GPATCH2: variants seen among roughly 807,000 people sequenced by gnomAD.
GPATCH2 encodes the protein G patch domain-containing protein 2.
Under a neutral mutation model 58.0 loss-of-function variants are expected in GPATCH2, and 51 were observed. That is an observed-to-expected ratio of 0.88 (90% CI 0.70 to 1.11). The LOEUF (loss-of-function observed/expected upper bound fraction) is 1.11, where lower values mean the gene tolerates loss of function less well. GPATCH2 is among the 50% of genes most tolerant of loss of function. GPATCH2 has a pLI of 0.00. For synonymous variants in GPATCH2, 222 were observed against 218.5 expected, an observed-to-expected ratio of 1.02 and a Z score of -0.14; for missense variants, 625 against 652.2, an observed-to-expected ratio of 0.96 and a Z score of 0.45.
At chr1:217,531,345 T>C (rs181042694) in intron 5 of GPATCH2, among the ~76,000 whole-genome samples, 39 of 152,342 alleles carry the variant, frequency 2.6e-4, no homozygotes, top group Middle Eastern at 3.4e-3. Context: ...ATGTGCTGAA[T>C]TAGTCAAAAG....
At position 217,614,151 on chromosome 1, in the gene GPATCH2, C is replaced by G. The variant is rs765210460; in HGVS notation, c.825G>C (p.Glu275Asp). 2.6e-6 allele frequency: 4 copies of G among 1,555,492 alleles called. No homozygotes were observed. Among genetic ancestry groups the G allele is most frequent in the Middle Eastern group, 3.4e-4 (2 of 5,956 alleles). ...STDAGLFTND[E>D]GRQGDDEQSD... ...ATATCATTTCAGTACCTTGTCTTCCCTCATCATTGGTAAACAATCCAGCAT... is the reference window on the plus strand; with the variant it reads ...ATATCATTTCAGTACCTTGTCTTCCGTCATCATTGGTAAACAATCCAGCAT... The change falls in exon 3 of 10, where the codon GAG (glutamate) becomes GAC (aspartate). Residue 275 changes from glutamate to aspartate, a missense_variant. Glu to Asp is a conservative substitution (Grantham distance 45). Transcript: ENST00000366935.
intron 8 of GPATCH2, among the ~76,000 whole-genome samples, chr1:217,485,486 A>G (rs573842359): frequency 6.6e-6 from 1 of 150,912 alleles, no homozygotes; most frequent in African/African-American, 2.4e-5. Context: ...GCAAATGACA[A>G]TATACTTGAT....
At chr1:217,467,276 G>C (rs1660505532) in intron 8 of GPATCH2, among the ~76,000 whole-genome samples, 1 of 152,018 alleles carries the variant, frequency 6.6e-6, no homozygotes, top group African/African-American at 2.4e-5. Context: ...ATTTGATTGT[G>C]GATCCCATGA....
At chr1:217,601,287 A>G (rs7553153) in intron 5 of GPATCH2, among the ~76,000 whole-genome samples, 91,803 of 151,926 alleles carry the variant, frequency 0.6, 28,718 homozygotes, top group African/African-American at 0.68. Flanking sequence ...CAAAAGTTAC[A>G]AAGAAACGAT....
chr1:217,590,040 T>C (rs543178139), intron 5 of GPATCH2, among the ~76,000 whole-genome samples: 1 of 151,304 alleles, frequency 6.6e-6, no homozygotes, highest in Non-Finnish European at 1.5e-5. Flanking sequence ...TTTTTTTTTT[T>C]GAGACAGTCT....
chr1:217,566,236 C>G (rs1222596075), intron 5 of GPATCH2, among the ~76,000 whole-genome samples: 1 of 151,580 alleles, frequency 6.6e-6, no homozygotes, highest in Non-Finnish European at 1.5e-5. Context: ...ACTTGACTAG[C>G]AGTTATCCAG....
intron 9 of GPATCH2, among the ~76,000 whole-genome samples, chr1:217,433,418 GCAGAGTCT>G (rs1658651316): frequency 7.3e-6 from 1 of 136,330 alleles, no homozygotes; most frequent in African/African-American, 2.9e-5. Flanking sequence ...ATTTATTTTG[GCAGAGTCT>G]CACTCTGTTG....
At chr1:217,626,163 A>G (rs778444219) in intron 1 of GPATCH2, among the ~76,000 whole-genome samples, 4 of 152,210 alleles carry the variant, frequency 2.6e-5, no homozygotes, top group Non-Finnish European at 4.4e-5. Context: ...TGCAGTGCTA[A>G]AAGTAAGTTA....
At chr1:217,504,966 C>T (rs1662478760) in intron 6 of GPATCH2, among the ~76,000 whole-genome samples, 1 of 152,166 alleles carries the variant, frequency 6.6e-6, no homozygotes, top group Non-Finnish European at 1.5e-5. Context: ...GAAAAAAATG[C>T]TCTGAAAGAG....
chr1:217,595,134 A>G (rs1667765616), intron 5 of GPATCH2, among the ~76,000 whole-genome samples: 1 of 152,230 alleles, frequency 6.6e-6, no homozygotes, highest in Non-Finnish European at 1.5e-5. Flanking sequence ...TATATGAGGA[A>G]GAAGGATTAC....
intron 8 of GPATCH2, among the ~76,000 whole-genome samples, chr1:217,471,591 A>T (rs1038893767): frequency 1.3e-5 from 2 of 152,210 alleles, no homozygotes; most frequent in Admixed American, 6.5e-5. Flanking sequence ...GATCTGTATC[A>T]TATAAAAACA....
intron 5 of GPATCH2, among the ~76,000 whole-genome samples, chr1:217,567,844 T>C (rs143200767): frequency 0.021 from 3,152 of 152,248 alleles, 62 homozygotes; most frequent in East Asian, 0.1. Context: ...TGGCCAGGCG[T>C]GGTGGCTCAC....
intron 5 of GPATCH2, among the ~76,000 whole-genome samples, chr1:217,596,658 A>G (rs757289065): frequency 1.4e-4 from 21 of 152,182 alleles, no homozygotes; most frequent in Non-Finnish European, 2.2e-4. Context: ...AATATTCTAT[A>G]ATGAAATATT....
intron 8 of GPATCH2, among the ~76,000 whole-genome samples, chr1:217,463,094 G>C (rs150203191): frequency 6.6e-6 from 1 of 152,122 alleles, no homozygotes; most frequent in African/African-American, 2.4e-5. Context: ...GCATTTTTGA[G>C]GCCCAATCAT....
intron 8 of GPATCH2, among the ~76,000 whole-genome samples, chr1:217,480,455 C>T (rs1389142665): frequency 2.6e-5 from 4 of 152,110 alleles, no homozygotes; most frequent in Non-Finnish European, 5.9e-5. Flanking sequence ...TCATCTCACC[C>T]CAGTTGAAAT....
chr1:217,599,230 C>T (rs904614691), intron 5 of GPATCH2, among the ~76,000 whole-genome samples: 33 of 152,096 alleles, frequency 2.2e-4, no homozygotes, highest in Admixed American at 1.5e-3. Context: ...TTTATTAAGA[C>T]GGTAATGGAA....
At chr1:217,442,049 T>A (rs1659169208) in intron 9 of GPATCH2, among the ~76,000 whole-genome samples, 1 of 152,216 alleles carries the variant, frequency 6.6e-6, no homozygotes, top group Admixed American at 6.5e-5. Flanking sequence ...ACATGTATGT[T>A]TATTACAGCT....
intron 8 of GPATCH2, among the ~76,000 whole-genome samples, chr1:217,477,897 G>A (rs1661036337): frequency 6.6e-6 from 1 of 152,108 alleles, no homozygotes; most frequent in South Asian, 2.1e-4. Flanking sequence ...CCCTTCTGGT[G>A]GTGTTCAAGG....
At chr1:217,516,640 C>T (rs1046361068) in intron 5 of GPATCH2, among the ~76,000 whole-genome samples, 3 of 152,184 alleles carry the variant, frequency 2.0e-5, no homozygotes, top group Admixed American at 2.0e-4. Flanking sequence ...CACATTATCT[C>T]ATGGTGGACC....
Sources: gnomAD v4.1 joint callset for allele counts (sites outside exome capture counted in the v4.1 genomes callset) on GRCh38, gnomAD v4.1.1 for gene constraint, MANE v1.5 for transcripts, NCBI Gene and HGNC (gene_info 2026-07-23, HGNC 2026-07-21) for gene names.